The following SPIRE1 variants were observed in gnomAD, a reference collection of about 807,000 sequenced individuals.
The protein encoded by SPIRE1 is spire type actin nucleation factor 1.
A neutral mutation model predicts 94.1 loss-of-function variants in SPIRE1; 40 were observed. The observed-to-expected ratio is 0.43, with a 90% CI of 0.33 to 0.55. The LOEUF (loss-of-function observed/expected upper bound fraction) is 0.55. Ranked by LOEUF, SPIRE1 falls within the 20% of genes least tolerant of loss-of-function variation. The pLI is 0.06. For synonymous variants in SPIRE1, 376 were observed against 371.7 expected, an observed-to-expected ratio of 1.01 and a Z score of -0.13; for missense variants, 838 against 975.2, an observed-to-expected ratio of 0.86 and a Z score of 1.87.
intron 2 of SPIRE1, among the ~76,000 whole-genome samples, chr18:12,555,992 CA>C (rs1348785585): frequency 2.0e-5 from 3 of 151,872 alleles, no homozygotes; most frequent in Non-Finnish European, 2.9e-5. Flanking sequence ...ACAAAATCAA[CA>C]TACAAAAATC....
Position 12,559,454 on chromosome 18 carries a change from C to A in SPIRE1, c.373-12550G>T, listed in dbSNP as rs1263499802. 6.6e-6 allele frequency among the ~76,000 whole-genome samples: 1 copy of A among 152,164 alleles called. No individual in the cohort carries two copies. The highest frequency in any genetic ancestry group is 1.9e-4 in the East Asian group (1 of 5,194). ...CGAACACCACGCGCAGCCCTGGTTG[C>A]CACCCGCGCCTCTCCCTCCACACCT... On this transcript the variant is annotated intron_variant, in intron 2 of 16. Coordinates refer to ENST00000409402, the MANE Select transcript of SPIRE1 (RefSeq NM_001128626.2). This position sits in a 1 kb window ranked among gnomAD's most constrained non-coding sequence, Gnocchi z 4.7.
intron 1 of SPIRE1, among the ~76,000 whole-genome samples, chr18:12,647,361 G>C (rs2038254929): frequency 6.6e-6 from 1 of 152,132 alleles, no homozygotes; most frequent in Non-Finnish European, 1.5e-5. Flanking sequence ...GTTCACAGTG[G>C]CATTATTCAT....
chr18:12,590,484 G>A (rs568581847), intron 2 of SPIRE1, among the ~76,000 whole-genome samples: 2 of 152,154 alleles, frequency 1.3e-5, no homozygotes, highest in Middle Eastern at 3.4e-3. Context: ...AAAAGTTTTC[G>A]GGCCTAAAGA....
intron 2 of SPIRE1, among the ~76,000 whole-genome samples, chr18:12,575,941 C>T (rs535230781): frequency 5.9e-4 from 90 of 152,346 alleles, no homozygotes; most frequent in South Asian, 4.1e-4. Flanking sequence ...CGGTGGCTCA[C>T]GCCTGTAATC....
intron 4 of SPIRE1, among the ~76,000 whole-genome samples, chr18:12,526,796 G>C (rs2034536284): frequency 1.3e-5 from 2 of 151,892 alleles, no homozygotes; most frequent in Middle Eastern, 3.4e-3. Flanking sequence ...TGTGACCTCT[G>C]TCTCCTGAGT....
intron 2 of SPIRE1, among the ~76,000 whole-genome samples, chr18:12,551,337 C>T (rs1420245360): frequency 6.6e-6 from 1 of 152,070 alleles, no homozygotes; most frequent in Non-Finnish European, 1.5e-5. Flanking sequence ...CTTCTGAGTT[C>T]CTTTTTGTAT....
intron 1 of SPIRE1, among the ~76,000 whole-genome samples, chr18:12,650,991 G>T (rs2038364854): frequency 6.6e-6 from 1 of 152,106 alleles, no homozygotes; most frequent in Non-Finnish European, 1.5e-5. Flanking sequence ...CTTAGAAGGG[G>T]CCTGTGTAAA....
chr18:12,451,133 T>G (rs1031726693), intron 16 of SPIRE1: 1 of 330,358 alleles, frequency 3.0e-6, no homozygotes, highest in Non-Finnish European at 5.6e-6. Flanking sequence ...TCTTGAAAAA[T>G]AGGGTATTCA....
chr18:12,569,934 A>G (rs1484780533), intron 2 of SPIRE1, among the ~76,000 whole-genome samples: 1 of 152,272 alleles, frequency 6.6e-6, no homozygotes, highest in Non-Finnish European at 1.5e-5. Flanking sequence ...CTACAATGTC[A>G]TATCTACTTG....
intron 1 of SPIRE1, among the ~76,000 whole-genome samples, chr18:12,644,192 C>A: frequency 1.8e-5 from 2 of 111,010 alleles, no homozygotes; most frequent in Admixed American, 9.6e-5. Context: ...GAGGGAAACT[C>A]CATCTCAAAA....
intron 4 of SPIRE1, among the ~76,000 whole-genome samples, chr18:12,528,295 C>T (rs1345975969): frequency 2.6e-5 from 4 of 152,004 alleles, no homozygotes; most frequent in Non-Finnish European, 4.4e-5. Context: ...GGGAGATAAA[C>T]GTATACAGTA....
intron 8 of SPIRE1, among the ~76,000 whole-genome samples, chr18:12,487,990 C>T (rs1243480290): frequency 6.6e-6 from 1 of 152,100 alleles, no homozygotes; most frequent in Non-Finnish European, 1.5e-5. Context: ...TAGGATTGTT[C>T]AGAAACCAGC....
intron 2 of SPIRE1, among the ~76,000 whole-genome samples, chr18:12,618,693 C>A (rs113029296): frequency 6.6e-6 from 1 of 152,088 alleles, no homozygotes; most frequent in African/African-American, 2.4e-5. Context: ...TTTCAACACA[C>A]AAAAAAACTG....
chr18:12,516,266 G>GT (rs925628200), intron 4 of SPIRE1: 14 of 152,164 alleles, frequency 9.2e-5, no homozygotes, highest in African/African-American at 3.1e-4. Flanking sequence ...ATTTACAAGC[G>GT]TAAGAACATG....
intron 1 of SPIRE1, among the ~76,000 whole-genome samples, chr18:12,645,507 C>T (rs1288776601): frequency 6.6e-6 from 1 of 152,142 alleles, no homozygotes; most frequent in Non-Finnish European, 1.5e-5. Flanking sequence ...TATACCATGT[C>T]CTATTTCCTA....
chr18:12,534,535 G>T (rs2034782975), intron 4 of SPIRE1, among the ~76,000 whole-genome samples: 1 of 152,160 alleles, frequency 6.6e-6, no homozygotes, highest in Admixed American at 6.5e-5. Flanking sequence ...CCTCAGTTTA[G>T]GTGGGCACCA....
At chr18:12,510,184 G>A (rs1255323138) in intron 5 of SPIRE1, among the ~76,000 whole-genome samples, 1 of 151,908 alleles carries the variant, frequency 6.6e-6, no homozygotes, top group Admixed American at 6.6e-5. Context: ...GAAAGCAGAT[G>A]ACTAATTGCC....
intron 2 of SPIRE1, among the ~76,000 whole-genome samples, chr18:12,557,412 A>C (rs2035547491): frequency 6.6e-6 from 1 of 152,188 alleles, no homozygotes; most frequent in African/African-American, 2.4e-5. Context: ...CTCACTGCCC[A>C]GGGCCGTTGC....
chr18:12,465,468 T>C (rs2032053513), intron 10 of SPIRE1, among the ~76,000 whole-genome samples: 1 of 152,200 alleles, frequency 6.6e-6, no homozygotes, highest in Admixed American at 6.5e-5. Flanking sequence ...ATGTTTCTTA[T>C]CTTAGTTTCA....
Sources: gnomAD v4.1 joint callset for allele counts (sites outside exome capture counted in the v4.1 genomes callset) on GRCh38, gnomAD v4.1.1 for gene constraint, Gnocchi (gnomAD v3.1) non-coding constraint, MANE v1.5 for transcripts, NCBI Gene and HGNC (gene_info 2026-07-23, HGNC 2026-07-21) for gene names.